Variants in OR2A14 observed in about 807,000 individuals in gnomAD.
The protein encoded by OR2A14 is olfactory receptor 2A14.
OR2A14 carries 2 observed loss-of-function variants against 2.4 expected under a neutral mutation model. That is an observed-to-expected ratio of 0.85 (90% CI 0.35 to 2.67). The LOEUF (loss-of-function observed/expected upper bound fraction) is 2.67, where lower values mean the gene tolerates loss of function less well. OR2A14 is among the 30% of genes most tolerant of loss of function. OR2A14 has a pLI of 0.10. For synonymous variants in OR2A14, 160 were observed against 156.3 expected (o/e 1.02, Z -0.18); for missense variants, 390 against 379.4 (o/e 1.03, Z -0.23).
At chr7:144,123,701 G>T (rs142307219) in intron 1 of OR2A14, among the ~76,000 whole-genome samples, 2 of 152,284 alleles carry the variant, frequency 1.3e-5, no homozygotes, top group African/African-American at 4.8e-5. Context: ...CTTACCCAGG[G>T]ATGTATCCTC....
intron 1 of OR2A14, among the ~76,000 whole-genome samples, chr7:144,124,882 G>A (rs1006354249): frequency 3.9e-5 from 6 of 152,102 alleles, no homozygotes; most frequent in Admixed American, 3.9e-4. Flanking sequence ...GGAAATCAAA[G>A]CAAAATGTGT....
In OR2A14 at chr7:144,129,293, T is replaced by C; in HGVS notation, c.181T>C (p.Phe61Leu). 1.2e-6 allele frequency: 2 copies of C among 1,614,230 alleles called. No homozygotes were observed. The highest frequency in any genetic ancestry group is 8.5e-7 in the Non-Finnish European group (1 of 1,180,042). ...DCKLHTPMYF[F>L]LSHLAIVDIS... Reference sequence around the variant, plus strand: ...TAAGCTTCACACACCCATGTACTTCTTCCTCTCACACCTGGCCATTGTTGA... The same window carrying C: ...TAAGCTTCACACACCCATGTACTTCCTCCTCTCACACCTGGCCATTGTTGA... The change falls in exon 2 of 2, where the codon TTC (phenylalanine) becomes CTC (leucine). Residue 61 changes from phenylalanine (F) to leucine (L), a missense_variant. Phe to Leu is a conservative substitution (Grantham distance 22). Transcript: ENST00000641068.
chr7:144,125,892 A>AT (rs973414496), intron 1 of OR2A14, among the ~76,000 whole-genome samples: 72 of 150,574 alleles, frequency 4.8e-4, no homozygotes, highest in African/African-American at 1.1e-3. Flanking sequence ...TAATGACTGG[A>AT]TTTTTTTTTT....
In OR2A14 at chr7:144,129,180, A is replaced by C. The variant is rs758239558; in HGVS notation, c.68A>C (p.Glu23Ala). ...CGATTCCAGGTTGGTCCAGCACTGG[A>C]GATTCTCCTCTGTGGACTTTTCTCT... ...LPRFQVGPAL[E>A]ILLCGLFSAF... Residue 23 changes from glutamate (E) to alanine (A), a missense_variant, in exon 2 of 2, where the codon GAG becomes GCG. Glu to Ala is a moderately radical substitution (Grantham distance 107, BLOSUM62 -1). Transcript: ENST00000641068. The C allele has an allele frequency of 5.0e-6, 8 of 1,612,740 alleles. No individual in the cohort carries two copies. Among genetic ancestry groups the C allele is most frequent in the Non-Finnish European group, 6.8e-6 (8 of 1,180,022 alleles).
chr7:144,126,650 T>C (rs542788600), intron 1 of OR2A14, among the ~76,000 whole-genome samples: 2 of 152,274 alleles, frequency 1.3e-5, no homozygotes, highest in South Asian at 4.1e-4. Context: ...TGGCCAGCAA[T>C]TATCTTTACT....
chr7:144,125,018 A>G (rs2051472349), intron 1 of OR2A14, among the ~76,000 whole-genome samples: 1 of 152,144 alleles, frequency 6.6e-6, no homozygotes, highest in African/African-American at 2.4e-5. Context: ...CAATTTTACG[A>G]TCTCTTTAAT....
intron 1 of OR2A14, among the ~76,000 whole-genome samples, chr7:144,124,561 G>T (rs1378120412): frequency 6.6e-6 from 1 of 151,542 alleles, no homozygotes; most frequent in East Asian, 1.9e-4. Flanking sequence ...TAATTGCAAA[G>T]ATTTGACAAA....
rs527649074 is a variant in OR2A14, at chr7:144,129,643, C to T, written c.531C>T (p.Phe177=). 540 of 1,590,888 alleles carry T rather than the reference C, an allele frequency of 3.4e-4. 7 individuals carry two copies. The South Asian group carries it at 5.7e-3, about 17-fold the overall frequency. Residue 177 remains phenylalanine (F), a synonymous_variant, in exon 2 of 2, where the codon TTC becomes TTT. Coordinates refer to ENST00000641068, the MANE Select transcript of OR2A14 (RefSeq NM_001001659.3). ...FCGPHEINHF[F]CEILSVLKLA... ...GGCCTCATGAAATCAACCACTTCTT[C>T]TGTGAAATCCTGTCTGTCCTCAAGT... is the stretch of plus-strand genomic sequence containing the variant.
Position 144,130,044 on chromosome 7 carries a change from G to A in OR2A14, c.932G>A (p.Ter311=), listed in dbSNP as rs1327557641. 2 of 1,608,048 alleles carry A rather than the reference G, an allele frequency of 1.2e-6. No homozygotes were observed. Among genetic ancestry groups the A allele is most frequent in the Non-Finnish European group, 1.7e-6 (2 of 1,176,122 alleles). Residue 311 remains the stop codon, a stop_retained_variant, in exon 2 of 2, where the codon TGA becomes TAA. Transcript: ENST00000641068. Reference sequence around the variant, plus strand: ...GCACTGAGGAAGGAGAGGCTGACGTGAGACATCTCAAAGGGAACCATGGGG... The same window carrying A: ...GCACTGAGGAAGGAGAGGCTGACGTAAGACATCTCAAAGGGAACCATGGGG... The part of the protein sequence containing the change: ...RRALRKERLT[*]
At chr7:144,124,776 TC>T (rs2051470105) in intron 1 of OR2A14, among the ~76,000 whole-genome samples, 1 of 152,222 alleles carries the variant, frequency 6.6e-6, no homozygotes, top group Non-Finnish European at 1.5e-5. Flanking sequence ...TATTTTTTTT[TC>T]TTCAGTAAGG....
chr7:144,129,790 G>C lies in OR2A14; in HGVS notation c.678G>C (p.Arg226Ser). ...TGCGCATCCTGGCCGCCATCTTGAG[G>C]ATCCAGTCTGGGGAGGGCCGCAGAA... ...SYLRILAAIL[R>S]IQSGEGRRKA... is the part of the protein sequence containing the mutation. Residue 226 changes from arginine to serine, a missense_variant, in exon 2 of 2, where the codon AGG (arginine) becomes AGC (serine). Transcript: ENST00000641068. The C allele has an allele frequency of 6.2e-7, 1 of 1,614,078 alleles. No individual in the cohort carries two copies. Among genetic ancestry groups the C allele is most frequent in the Non-Finnish European group, 8.5e-7 (1 of 1,180,040 alleles).
intron 1 of OR2A14, among the ~76,000 whole-genome samples, chr7:144,124,041 C>T (rs1223333473): frequency 6.6e-6 from 1 of 152,154 alleles, no homozygotes; most frequent in Non-Finnish European, 1.5e-5. Context: ...ATTTATTACC[C>T]CATTTTGTAG....
At position 144,129,934 on chromosome 7, in the gene OR2A14, C is replaced by T. The variant is rs758385642; in HGVS notation, c.822C>T (p.Ser274=). The T allele has an allele frequency of 4.3e-6, 7 of 1,614,166 alleles. No homozygotes were observed. The highest frequency in any genetic ancestry group is 5.9e-6 in the Non-Finnish European group (7 of 1,180,024). Residue 274 remains serine (S), a synonymous_variant, in exon 2 of 2, where the codon TCC becomes TCT. Transcript: ENST00000641068. ...RHPEEQQKVL[S]LFYSLFNPML... The stretch of plus-strand genomic sequence containing the variant: ...CTGAGGAGCAGCAGAAAGTTCTTTC[C>T]CTGTTTTACAGCCTTTTCAATCCAA...
In OR2A14 at chr7:144,129,584, C is replaced by G; in HGVS notation, c.472C>G (p.Pro158Ala). ...WVFSFLLALVPLVLILSLPFC... is the reference protein window; with the variant it reads ...WVFSFLLALVALVLILSLPFC... ...GTTCAGCTTCCTCCTGGCTCTGGTC[C>G]CTTTAGTTCTCATCCTGAGCCTGCC... The change falls in exon 2 of 2, where the codon CCT becomes GCT. Residue 158 changes from proline to alanine, a missense_variant. Physicochemically the swap from Pro to Ala is conservative, Grantham distance 27. Transcript: ENST00000641068. 1 of 1,613,948 alleles carries G rather than the reference C, an allele frequency of 6.2e-7. No individual in the cohort carries two copies.
At position 144,129,520 on chromosome 7, in the gene OR2A14, C is replaced by T; in HGVS notation, c.408C>T (p.Ser136=). 1 of 1,614,152 alleles carries T rather than the reference C, an allele frequency of 6.2e-7. No homozygotes were observed. The highest frequency in any genetic ancestry group is 8.5e-7 in the Non-Finnish European group (1 of 1,180,002). Residue 136 remains serine (S), a synonymous_variant, in exon 2 of 2, where the codon AGC becomes AGT. Transcript: ENST00000641068. ...CCTTACGTTACAATAGCCTCATGAG[C>T]TGGAGAGTGTGCACTGTCCTGGCTG... ...CHPLRYNSLM[S]WRVCTVLAVA... is the part of the protein sequence containing the mutation.
Position 144,129,820 on chromosome 7 carries a change from C to G in OR2A14, c.708C>G (p.Ala236=), listed in dbSNP as rs1185427281. ...RIQSGEGRRK[A]FSTCSSHLCV... ...AGTCTGGGGAGGGCCGCAGAAAGGC[C>G]TTCTCCACCTGCTCCTCCCACCTTT... The change falls in exon 2 of 2, where the codon GCC becomes GCG. Residue 236 remains alanine (A), a synonymous_variant. Transcript: ENST00000641068. 5.0e-6 allele frequency: 8 copies of G among 1,613,986 alleles called. No homozygotes were observed. The highest frequency in any genetic ancestry group is 1.3e-5 in the African/African-American group (1 of 74,908).
In OR2A14 at chr7:144,130,194, T is replaced by C. The variant is rs540840503; in HGVS notation, c.*149T>C. On this transcript the variant is annotated 3_prime_UTR_variant, in exon 2 of 2. Transcript: ENST00000641068. ...ATATAAACTGAAGACACAAATCTTT[T>C]AGAAAAGATAGGTAAATGCATTTAT... The C allele has an allele frequency of 3.4e-6, 2 of 581,354 alleles. No homozygotes were observed. The highest frequency in any genetic ancestry group is 3.3e-5 in the Admixed American group (1 of 29,876). The allele number at this position is 581,354 out of a possible 1,614,324, so 36.0% of individuals were successfully genotyped here. A position where few individuals can be genotyped will look rare whatever the true frequency, so the allele number is the denominator to read the frequency against.
At chr7:144,125,660 T>C (rs1030978153) in intron 1 of OR2A14, among the ~76,000 whole-genome samples, 3 of 152,110 alleles carry the variant, frequency 2.0e-5, no homozygotes, top group Non-Finnish European at 2.9e-5. Flanking sequence ...ATAACCAGAG[T>C]TTTATACAGT....
chr7:144,127,631 AGTATT>A (rs1439765073), intron 1 of OR2A14, among the ~76,000 whole-genome samples: 1 of 152,230 alleles, frequency 6.6e-6, no homozygotes, highest in Admixed American at 6.5e-5. Context: ...ATACAGGAAA[AGTATT>A]ATATTAAGTG....
Sources: allele counts gnomAD v4.1 joint callset (sites outside exome capture counted in the v4.1 genomes callset), GRCh38; gene constraint gnomAD v4.1.1; transcripts MANE v1.5; gene names NCBI Gene and HGNC (gene_info 2026-07-23, HGNC 2026-07-21).